CUBN: variants seen among roughly 807,000 people sequenced by gnomAD.
The protein encoded by CUBN is 460 kDa receptor.
In CUBN, 282 loss-of-function variants were observed where a neutral mutation model predicts 405.3. That is an observed-to-expected ratio of 0.70 (90% CI 0.63 to 0.77). The LOEUF (loss-of-function observed/expected upper bound fraction) is 0.77, where lower values mean the gene tolerates loss of function less well. Ranked by LOEUF, CUBN falls within the 30% of genes least tolerant of loss-of-function variation. The probability of loss-of-function intolerance (pLI) is 0.00; values close to 1 mark genes in which losing one functional copy is unlikely to be tolerated. For synonymous variants in CUBN, 1,684 were observed against 1,617.0 expected (o/e 1.04, Z -0.99); for missense variants, 4,514 against 4,475.2 (o/e 1.01, Z -0.25).
chr10:16,895,606 T>A (rs1338216266), intron 54 of CUBN, among the ~76,000 whole-genome samples: 1 of 152,234 alleles, frequency 6.6e-6, no homozygotes, highest in Non-Finnish European at 1.5e-5. Context: ...AGGATCATTA[T>A]GTCTTCCTGG....
At chr10:17,055,336 T>C (rs1835366882) in intron 22 of CUBN, among the ~76,000 whole-genome samples, 1 of 151,998 alleles carries the variant, frequency 6.6e-6, no homozygotes, top group Non-Finnish European at 1.5e-5. Context: ...GACTAAACGC[T>C]TTCCTGTCAA....
At chr10:16,833,708 A>G (rs1471503607) in intron 64 of CUBN, among the ~76,000 whole-genome samples, 1 of 152,182 alleles carries the variant, frequency 6.6e-6, no homozygotes, top group Non-Finnish European at 1.5e-5. Context: ...TTTGTTGGGA[A>G]CAAAGGCTGA....
At chr10:17,107,400 T>C (rs2131304469) in intron 10 of CUBN, among the ~76,000 whole-genome samples, 1 of 152,146 alleles carries the variant, frequency 6.6e-6, no homozygotes, top group South Asian at 2.1e-4. Flanking sequence ...CTGTTAAAGA[T>C]GGATAGAAAA....
intron 31 of CUBN, among the ~76,000 whole-genome samples, chr10:16,968,540 A>G (rs1843464291): frequency 6.6e-6 from 1 of 152,210 alleles, no homozygotes; most frequent in Admixed American, 6.5e-5. Context: ...CAAAGCAGAC[A>G]TTCCAATGAT....
chr10:17,122,121 G>C (rs934816627), intron 6 of CUBN: 5 of 153,844 alleles, frequency 3.3e-5, no homozygotes, highest in African/African-American at 1.2e-4. Flanking sequence ...TGGGAACATA[G>C]AGGCCCTGAG....
chr10:16,881,658 C>T (rs2131384960), intron 56 of CUBN, among the ~76,000 whole-genome samples: 1 of 152,308 alleles, frequency 6.6e-6, no homozygotes, highest in East Asian at 1.9e-4. Flanking sequence ...TGGATTAAAA[C>T]ATTCTTGTAT....
intron 54 of CUBN, among the ~76,000 whole-genome samples, chr10:16,891,906 G>A (rs374952047): frequency 6.6e-5 from 10 of 152,066 alleles, no homozygotes; most frequent in African/African-American, 1.5e-4. Context: ...TACCCAATAT[G>A]CCCTTTCTAT....
chr10:17,041,804 C>A (rs567495046), intron 26 of CUBN, among the ~76,000 whole-genome samples: 8 of 151,722 alleles, frequency 5.3e-5, no homozygotes, highest in Non-Finnish European at 1.2e-4. Flanking sequence ...AAGTACCAAG[C>A]GAATAGATAG....
chr10:16,861,599 A>AT (rs1020713126), intron 59 of CUBN, among the ~76,000 whole-genome samples: 2 of 151,074 alleles, frequency 1.3e-5, no homozygotes, highest in Non-Finnish European at 2.9e-5. Flanking sequence ...GTTTTTACAG[A>AT]TAAAAAAAAA....
At chr10:16,857,439 C>T (rs1056600718) in intron 59 of CUBN, among the ~76,000 whole-genome samples, 5 of 152,110 alleles carry the variant, frequency 3.3e-5, no homozygotes, top group Non-Finnish European at 7.4e-5. Context: ...AAAATTTTAT[C>T]GTTATCTTTT....
chr10:17,066,521 C>A (rs1835616782), intron 21 of CUBN, among the ~76,000 whole-genome samples: 1 of 151,844 alleles, frequency 6.6e-6, no homozygotes, highest in Non-Finnish European at 1.5e-5. Context: ...GTGTATAATA[C>A]CATTGCAGTG....
intron 66 of CUBN, among the ~76,000 whole-genome samples, chr10:16,827,927 G>A (rs750956611): frequency 5.9e-5 from 9 of 152,190 alleles, no homozygotes; most frequent in Admixed American, 5.9e-4. Flanking sequence ...TCAAATGAGA[G>A]GATCGTAAGC....
At chr10:16,971,722 A>G (rs960151423) in intron 31 of CUBN, among the ~76,000 whole-genome samples, 1 of 152,146 alleles carries the variant, frequency 6.6e-6, no homozygotes, top group Admixed American at 6.5e-5. Context: ...TCCTGAAAAC[A>G]TGATTTTCTC....
At chr10:16,959,435 C>T (rs1036878190) in intron 31 of CUBN, among the ~76,000 whole-genome samples, 1 of 152,074 alleles carries the variant, frequency 6.6e-6, no homozygotes, top group East Asian at 1.9e-4. Flanking sequence ...TCAAGACCAG[C>T]CTGACCAGCA....
At chr10:16,872,878 C>T (rs1372603597) in intron 58 of CUBN, among the ~76,000 whole-genome samples, 2 of 152,234 alleles carry the variant, frequency 1.3e-5, no homozygotes, top group East Asian at 1.9e-4. Context: ...ACCTAAAAGA[C>T]ACTCTGTTTT....
rs746904456 is a variant in CUBN, at chr10:16,990,345, C to A, written c.4339G>T (p.Asp1447Tyr). The change falls in exon 29 of 67, where the codon GAT (aspartate) becomes TAT (tyrosine). Residue 1447 changes from aspartate to tyrosine, a missense_variant. Coordinates refer to ENST00000377833, the MANE Select transcript of CUBN (RefSeq NM_001081.4). ...DVEYHSRCNF[D>Y]VLEIYGGPDF... The stretch of plus-strand genomic sequence containing the variant: ...ATCTCACTTCCTACCTCCAAGACAT[C>A]AAAGTTGCACCTTGAATGATACTCC... 6.2e-7 allele frequency: 1 copy of A among 1,614,222 alleles called. No individual in the cohort carries two copies. Among genetic ancestry groups the A allele is most frequent in the Admixed American group, 1.7e-5 (1 of 60,030 alleles).
At chr10:17,106,383 C>T (rs1836630496) in intron 10 of CUBN, among the ~76,000 whole-genome samples, 1 of 151,736 alleles carries the variant, frequency 6.6e-6, no homozygotes, top group Non-Finnish European at 1.5e-5. Flanking sequence ...AGGCGGATCA[C>T]CTGAGGTCAG....
At chr10:16,875,219 G>A (rs974753986) in intron 57 of CUBN, among the ~76,000 whole-genome samples, 1 of 151,986 alleles carries the variant, frequency 6.6e-6, no homozygotes, top group Non-Finnish European at 1.5e-5. Context: ...AGATCCATTA[G>A]TCAATAAAAC....
At chr10:17,014,423 T>C (rs542570076) in intron 28 of CUBN, among the ~76,000 whole-genome samples, 4 of 152,272 alleles carry the variant, frequency 2.6e-5, no homozygotes, top group East Asian at 3.9e-4. Context: ...GATTAGAGTA[T>C]AGAGGGGCCT....
Sources: allele counts gnomAD v4.1 joint callset (sites outside exome capture counted in the v4.1 genomes callset), GRCh38; gene constraint gnomAD v4.1.1; transcripts MANE v1.5; gene names NCBI Gene and HGNC (gene_info 2026-07-23, HGNC 2026-07-21).